The following PRKCA variants were observed in gnomAD, a reference collection of about 807,000 sequenced individuals.
The protein encoded by PRKCA is protein kinase C alpha type.
In PRKCA, 27 loss-of-function variants were observed where a neutral mutation model predicts 87.0. The ratio of observed to expected loss-of-function variants is 0.31; its 90% CI spans 0.23 to 0.43. PRKCA has a LOEUF of 0.43. Ranked by LOEUF, PRKCA falls within the 20% of genes least tolerant of loss-of-function variation. The probability of loss-of-function intolerance (pLI) is 1.00; values close to 1 mark genes in which losing one functional copy is unlikely to be tolerated. For synonymous variants in PRKCA, 329 were observed against 311.1 expected (o/e 1.06, Z -0.61); for missense variants, 518 against 852.3 (o/e 0.61, Z 4.88).
intron 3 of PRKCA, among the ~76,000 whole-genome samples, chr17:66,513,251 G>A (rs1479751654): frequency 1.3e-5 from 2 of 152,042 alleles, no homozygotes; most frequent in Non-Finnish European, 1.5e-5. Flanking sequence ...AGGGTTTTTT[G>A]TTTCCTTCTA....
intron 3 of PRKCA, among the ~76,000 whole-genome samples, chr17:66,586,995 G>A (rs1466821963): frequency 3.3e-5 from 5 of 152,126 alleles, no homozygotes; most frequent in Admixed American, 1.3e-4. Context: ...TTGCTCCTAC[G>A]ATGCCATTAT....
At chr17:66,370,549 CTTTTTTT>C (rs555797425) in intron 2 of PRKCA, among the ~76,000 whole-genome samples, 19 of 113,674 alleles carry the variant, frequency 1.7e-4, no homozygotes, top group Middle Eastern at 5.6e-3. Context: ...CTTTTCTTTT[CTTTTTTT>C]TTTTTTTTTT....
chr17:66,647,296 TG>T (rs1757163200), intron 5 of PRKCA, among the ~76,000 whole-genome samples: 1 of 152,242 alleles, frequency 6.6e-6, no homozygotes, highest in African/African-American at 2.4e-5. Context: ...AGAATGCCTA[TG>T]GCTAAACATG....
chr17:66,402,604 G>A (rs546649881), intron 2 of PRKCA, among the ~76,000 whole-genome samples: 4 of 152,182 alleles, frequency 2.6e-5, no homozygotes, highest in African/African-American at 9.6e-5. Flanking sequence ...GACAATTACT[G>A]TTCCCAGTGT....
intron 2 of PRKCA, among the ~76,000 whole-genome samples, chr17:66,383,820 A>G (rs2143601477): frequency 6.6e-6 from 1 of 152,048 alleles, no homozygotes; most frequent in Non-Finnish European, 1.5e-5. Context: ...GGGTGTGGTG[A>G]TGTACGCCTG....
intron 2 of PRKCA, among the ~76,000 whole-genome samples, chr17:66,339,383 C>T (rs1405021214): frequency 6.6e-6 from 1 of 152,144 alleles, no homozygotes; most frequent in African/African-American, 2.4e-5. Context: ...TCACTAAAAT[C>T]TCACATTTCT....
At chr17:66,418,820 C>T (rs1403445207) in intron 2 of PRKCA, among the ~76,000 whole-genome samples, 4 of 152,188 alleles carry the variant, frequency 2.6e-5, no homozygotes, top group African/African-American at 7.2e-5. Context: ...GGCGCGATCT[C>T]GGCTCACTGC....
chr17:66,672,934 A>G (rs1260926736), intron 5 of PRKCA, among the ~76,000 whole-genome samples: 1 of 152,330 alleles, frequency 6.6e-6, no homozygotes, highest in Admixed American at 6.5e-5. Context: ...ATGCAGAAGT[A>G]TAGTTGTTTT....
intron 3 of PRKCA, among the ~76,000 whole-genome samples, chr17:66,506,086 A>G (rs867825839): frequency 3.3e-5 from 5 of 152,166 alleles, no homozygotes; most frequent in Non-Finnish European, 7.4e-5. Flanking sequence ...ACCTGAGGTC[A>G]GGGGTTTGAG....
intron 2 of PRKCA, among the ~76,000 whole-genome samples, chr17:66,484,521 G>T (rs924210316): frequency 2.6e-5 from 4 of 152,096 alleles, no homozygotes; most frequent in African/African-American, 4.8e-5. Context: ...TATTTCCCAG[G>T]TTTCTTATTT....
intron 3 of PRKCA, among the ~76,000 whole-genome samples, chr17:66,567,376 G>GT (rs1172960931): frequency 1.3e-5 from 2 of 152,164 alleles, no homozygotes; most frequent in Non-Finnish European, 2.9e-5. Flanking sequence ...GCTTCTGTGT[G>GT]GCGACCGAGA....
intron 5 of PRKCA, among the ~76,000 whole-genome samples, chr17:66,662,847 G>A (rs759572355): frequency 4.6e-5 from 7 of 152,238 alleles, no homozygotes; most frequent in Non-Finnish European, 8.8e-5. Context: ...TCCAAACACC[G>A]TAGTGTTCCA....
chr17:66,794,644 G>A (rs868229121), intron 16 of PRKCA, among the ~76,000 whole-genome samples: 14 of 142,472 alleles, frequency 9.8e-5, no homozygotes, highest in Non-Finnish European at 1.5e-4. Context: ...TTTTTGAGAC[G>A]GAGTTTCGCT....
At chr17:66,553,988 G>A (rs1358093355) in intron 3 of PRKCA, among the ~76,000 whole-genome samples, 1 of 152,104 alleles carries the variant, frequency 6.6e-6, no homozygotes, top group Non-Finnish European at 1.5e-5. Flanking sequence ...CAGAGGCTGG[G>A]GTACAGCATG....
chr17:66,632,973 A>C (rs1207346999), intron 3 of PRKCA, among the ~76,000 whole-genome samples: 1 of 152,206 alleles, frequency 6.6e-6, no homozygotes, highest in Non-Finnish European at 1.5e-5. Context: ...AGTGTTATTC[A>C]CCAGAATAAA....
At chr17:66,447,798 T>A (rs1914109855) in intron 2 of PRKCA, among the ~76,000 whole-genome samples, 1 of 152,222 alleles carries the variant, frequency 6.6e-6, no homozygotes, top group South Asian at 2.1e-4. Context: ...TGTGGCTACC[T>A]CCTCACGTCT....
intron 5 of PRKCA, among the ~76,000 whole-genome samples, chr17:66,655,995 A>G (rs950092736): frequency 3.3e-5 from 5 of 152,084 alleles, no homozygotes; most frequent in African/African-American, 1.2e-4. Flanking sequence ...TTAATGTCAG[A>G]TATGTACAGA....
chr17:66,716,057 G>A (rs1228714546), intron 8 of PRKCA, among the ~76,000 whole-genome samples: 2 of 152,124 alleles, frequency 1.3e-5, no homozygotes, highest in East Asian at 1.9e-4. Context: ...GATCTTCAGT[G>A]TGCTGCAAAG....
intron 5 of PRKCA, among the ~76,000 whole-genome samples, chr17:66,664,331 C>G (rs1291758579): frequency 6.6e-6 from 1 of 152,176 alleles, no homozygotes; most frequent in East Asian, 1.9e-4. Flanking sequence ...GCTGCCCTGC[C>G]TGCCCTGAGC....
Sources: gnomAD v4.1 joint callset for allele counts (sites outside exome capture counted in the v4.1 genomes callset) on GRCh38, gnomAD v4.1.1 for gene constraint, MANE v1.5 for transcripts, NCBI Gene and HGNC (gene_info 2026-07-23, HGNC 2026-07-21) for gene names.